Variants in DYNC1I1 observed in about 807,000 individuals in gnomAD.
DYNC1I1 encodes the protein dynein cytoplasmic 1 intermediate chain 1.
A neutral mutation model predicts 86.6 loss-of-function variants in DYNC1I1; 43 were observed. That is an observed-to-expected ratio of 0.50 (90% CI 0.39 to 0.64). DYNC1I1 has a LOEUF of 0.64. Among genes scored for constraint, DYNC1I1 ranks in the 30% least tolerant of loss-of-function variants. The probability of loss-of-function intolerance (pLI) is 0.00; values close to 1 mark genes in which losing one functional copy is unlikely to be tolerated. For synonymous variants in DYNC1I1, 262 were observed against 283.7 expected (o/e 0.92, Z 0.77); for missense variants, 604 against 788.8 (o/e 0.77, Z 2.81).
chr7:95,912,048 C>CT (rs1791350099), intron 6 of DYNC1I1, among the ~76,000 whole-genome samples: 1 of 149,772 alleles, frequency 6.7e-6, no homozygotes, highest in Non-Finnish European at 1.5e-5. Flanking sequence ...TTTTTTTTTT[C>CT]TTTTTTGAGA....
At chr7:95,927,132 A>G (rs1383035890) in intron 6 of DYNC1I1, among the ~76,000 whole-genome samples, 2 of 152,180 alleles carry the variant, frequency 1.3e-5, no homozygotes, top group Non-Finnish European at 1.5e-5. Flanking sequence ...CTTCCCAAGC[A>G]AAGAGGGGAA....
At chr7:95,869,846 C>G in intron 5 of DYNC1I1, 37 bp from the exon 6 acceptor site, 1 of 1,570,234 alleles carries the variant, frequency 6.4e-7, no homozygotes, top group Non-Finnish European at 8.7e-7. Flanking sequence ...CAAGGAATGC[C>G]TCCCCTCTCT....
chr7:95,891,403 A>G (rs751208185), intron 6 of DYNC1I1, among the ~76,000 whole-genome samples: 28 of 152,224 alleles, frequency 1.8e-4, no homozygotes, highest in Non-Finnish European at 1.5e-5. Flanking sequence ...AGTGATAGTA[A>G]AGTAAGAGAA....
At chr7:95,928,597 A>T (rs1791807063) in intron 6 of DYNC1I1, among the ~76,000 whole-genome samples, 1 of 152,178 alleles carries the variant, frequency 6.6e-6, no homozygotes, top group Non-Finnish European at 1.5e-5. Context: ...GGCGCACTTA[A>T]TGTTCACCAC....
At chr7:96,103,268 G>C (rs1791163581), downstream of DYNC1I1, among the ~76,000 whole-genome samples, 1 of 152,186 alleles carries the variant, frequency 6.6e-6, no homozygotes, top group Admixed American at 6.5e-5. Context: ...CCACATTCAG[G>C]ATGAACCTTG....
At chr7:95,918,570 T>TG (rs1317682078) in intron 6 of DYNC1I1, among the ~76,000 whole-genome samples, 3 of 152,218 alleles carry the variant, frequency 2.0e-5, no homozygotes, top group African/African-American at 7.2e-5. Context: ...TGTGTGGGTG[T>TG]GCATGTGTGT....
intron 14 of DYNC1I1, among the ~76,000 whole-genome samples, chr7:96,062,438 T>C (rs2116175799): frequency 6.6e-6 from 1 of 152,218 alleles, no homozygotes; most frequent in East Asian, 1.9e-4. Context: ...TTTCTTTTTT[T>C]TTTTCTCTCT....
At chr7:95,817,992 T>C (rs1435765517) in intron 4 of DYNC1I1, among the ~76,000 whole-genome samples, 1 of 152,186 alleles carries the variant, frequency 6.6e-6, no homozygotes, top group African/African-American at 2.4e-5. Flanking sequence ...GACACCACAG[T>C]GTAGGCTACA....
chr7:95,784,172 C>G (rs1794067958), intron 1 of DYNC1I1, among the ~76,000 whole-genome samples: 1 of 152,044 alleles, frequency 6.6e-6, no homozygotes, highest in Non-Finnish European at 1.5e-5. Context: ...CTAGAGAGCT[C>G]TAGAGTGTCA....
intron 6 of DYNC1I1, among the ~76,000 whole-genome samples, chr7:95,944,626 A>C (rs911561780): frequency 2.6e-5 from 4 of 152,164 alleles, no homozygotes; most frequent in African/African-American, 9.7e-5. Flanking sequence ...AACCAACTCA[A>C]ATGTCCAACA....
chr7:96,005,548 G>A (rs574561474), intron 10 of DYNC1I1, among the ~76,000 whole-genome samples: 24 of 152,168 alleles, frequency 1.6e-4, no homozygotes, highest in African/African-American at 5.8e-4. Flanking sequence ...GGCTCCCACT[G>A]TCCCCTTCCT....
At chr7:95,944,684 C>A (rs915185794) in intron 6 of DYNC1I1, among the ~76,000 whole-genome samples, 1 of 152,072 alleles carries the variant, frequency 6.6e-6, no homozygotes, top group African/African-American at 2.4e-5. Context: ...CCATGGAATA[C>A]TATGCAGCCA....
At chr7:95,992,432 G>T (rs115623339) in intron 9 of DYNC1I1, among the ~76,000 whole-genome samples, 3,196 of 152,172 alleles carry the variant, frequency 0.021, 108 homozygotes, top group African/African-American at 0.074. Flanking sequence ...TGGGGTTCTT[G>T]CTTTATCACT....
intron 1 of DYNC1I1, among the ~76,000 whole-genome samples, chr7:95,799,398 T>A (rs190264703): frequency 1.8e-4 from 27 of 151,916 alleles, no homozygotes; most frequent in Admixed American, 1.2e-3. Context: ...AGAAGAAACT[T>A]AGGACCGTGA....
At chr7:95,891,822 A>G (rs997697543) in intron 6 of DYNC1I1, among the ~76,000 whole-genome samples, 2 of 152,200 alleles carry the variant, frequency 1.3e-5, no homozygotes, top group African/African-American at 4.8e-5. Context: ...TCCTTTGGTC[A>G]CATATCCACC....
downstream of DYNC1I1, among the ~76,000 whole-genome samples, chr7:96,101,847 C>T (rs12670075): frequency 0.19 from 29,071 of 151,872 alleles, 2,961 homozygotes; most frequent in South Asian, 0.35. Context: ...ATAGCAAATA[C>T]AAAATATTAC....
At chr7:95,987,814 T>C (rs1231288387) in intron 9 of DYNC1I1, among the ~76,000 whole-genome samples, 2 of 152,230 alleles carry the variant, frequency 1.3e-5, no homozygotes, top group East Asian at 3.8e-4. Context: ...TATTTTCATA[T>C]ATCCCAAATC....
chr7:95,883,795 T>C lies in DYNC1I1; in HGVS notation c.490+13797T>C, dbSNP rs192633256. On this transcript the variant is annotated intron_variant, in intron 6 of 16. Coordinates refer to ENST00000447467, the MANE Select transcript of DYNC1I1 (RefSeq NM_001135556.2). Reference sequence around the variant, plus strand: ...GTATGAAAAAAGACCACTGTGGAACTTCCTCTTAAAATCAGTTCCTTTGGT... The same window carrying C: ...GTATGAAAAAAGACCACTGTGGAACCTCCTCTTAAAATCAGTTCCTTTGGT... Among the ~76,000 whole-genome samples, 348 of 152,336 alleles carry C rather than the reference T, an allele frequency of 2.3e-3. 3 individuals carry two copies. Among genetic ancestry groups the C allele is most frequent in the Non-Finnish European group, 4.1e-3 (281 of 68,030 alleles).
chr7:95,853,977 C>T (rs1391596957), intron 5 of DYNC1I1, among the ~76,000 whole-genome samples: 1 of 152,118 alleles, frequency 6.6e-6, no homozygotes, highest in Non-Finnish European at 1.5e-5. Context: ...ACTCCTCCCT[C>T]TTTTGGTTTA....
Sources: gnomAD v4.1 joint callset for allele counts (sites outside exome capture counted in the v4.1 genomes callset) on GRCh38, gnomAD v4.1.1 for gene constraint, MANE v1.5 for transcripts, NCBI Gene and HGNC (gene_info 2026-07-23, HGNC 2026-07-21) for gene names.